Variants in NLRP14 observed in about 807,000 individuals in gnomAD.
NLRP14 encodes NLR family pyrin domain containing 14.
A neutral mutation model predicts 94.7 loss-of-function variants in NLRP14; 105 were observed. The ratio of observed to expected loss-of-function variants is 1.11; its 90% CI spans 0.95 to 1.30. NLRP14 has a LOEUF of 1.30. NLRP14 is among the 50% of genes most tolerant of loss of function. The probability of loss-of-function intolerance (pLI) is 0.00; values close to 1 mark genes in which losing one functional copy is unlikely to be tolerated. For missense variants in NLRP14, 1,362 were observed against 1,254.1 expected, an observed-to-expected ratio of 1.09 and a Z score of -1.30; for synonymous variants, 508 against 459.9, an observed-to-expected ratio of 1.10 and a Z score of -1.34.
intron 1 of NLRP14, among the ~76,000 whole-genome samples, chr11:7,021,481 A>G (rs1851934567): frequency 6.6e-6 from 1 of 152,172 alleles, no homozygotes; most frequent in African/African-American, 2.4e-5. Flanking sequence ...ACATTCAGAG[A>G]GCATAGCATA....
chr11:7,034,370 A>AAATAG (rs1359153741), intron 1 of NLRP14, among the ~76,000 whole-genome samples: 1 of 152,054 alleles, frequency 6.6e-6, no homozygotes, highest in Non-Finnish European at 1.5e-5. Context: ...GCACTATGAG[A>AAATAG]TGCTATCGGC....
In NLRP14 at chr11:7,029,718, C is replaced by T. The variant is rs550642828; in HGVS notation, c.-21-8848C>T. 3.3e-5 allele frequency among the ~76,000 whole-genome samples: 5 copies of T among 152,278 alleles called. No homozygotes were observed. In the South Asian group the frequency reaches 8.3e-4, roughly 25 times the overall value. On this transcript the variant is annotated intron_variant, in intron 1 of 11. Transcript: ENST00000299481. ...TAGTTTCTCTTAAGATGCACATACT[C>T]GTGAATGTAATATTCAGCACATTAT...
At chr11:7,034,195 C>G (rs996510107) in intron 1 of NLRP14, among the ~76,000 whole-genome samples, 12 of 152,184 alleles carry the variant, frequency 7.9e-5, no homozygotes, top group African/African-American at 2.7e-4. Flanking sequence ...TCTCTTTTCT[C>G]TCATATATTC....
chr11:7,025,435 A>G (rs1852001050), intron 1 of NLRP14, among the ~76,000 whole-genome samples: 1 of 150,632 alleles, frequency 6.6e-6, no homozygotes, highest in African/African-American at 2.4e-5. Flanking sequence ...AACAAATAAC[A>G]AACCAAAAAC....
At chr11:7,051,726 G>T (rs977033875) in intron 6 of NLRP14, among the ~76,000 whole-genome samples, 1 of 152,082 alleles carries the variant, frequency 6.6e-6, no homozygotes, top group Non-Finnish European at 1.5e-5. Flanking sequence ...GGGTTCAAGC[G>T]ATTCTCCTGC....
chr11:7,072,715 G>A (rs1234400007), downstream of NLRP14, among the ~76,000 whole-genome samples: 1 of 152,136 alleles, frequency 6.6e-6, no homozygotes, highest in Non-Finnish European at 1.5e-5. Context: ...CCAGAGGAAG[G>A]TCATATACAG....
At chr11:7,054,352 C>G (rs1489345073) in intron 6 of NLRP14, among the ~76,000 whole-genome samples, 1 of 152,026 alleles carries the variant, frequency 6.6e-6, no homozygotes, top group East Asian at 1.9e-4. Flanking sequence ...CATACGGTAG[C>G]TCTAGTTTTG....
At chr11:7,024,976 AG>A (rs1159042666) in intron 1 of NLRP14, among the ~76,000 whole-genome samples, 1 of 152,172 alleles carries the variant, frequency 6.6e-6, no homozygotes, top group African/African-American at 2.4e-5. Context: ...TAGACACAAA[AG>A]TTCTAGAAAA....
intron 1 of NLRP14, among the ~76,000 whole-genome samples, chr11:7,034,556 G>A (rs1258617388): frequency 6.6e-6 from 1 of 152,154 alleles, no homozygotes; most frequent in Non-Finnish European, 1.5e-5. Context: ...TTACACTTCA[G>A]TTGTTTATTT....
At chr11:7,053,852 C>T (rs555192036) in intron 6 of NLRP14, among the ~76,000 whole-genome samples, 193 of 152,146 alleles carry the variant, frequency 1.3e-3, no homozygotes, top group African/African-American at 4.1e-3. Flanking sequence ...TTATTTTTTA[C>T]GTTAGTCACC....
chr11:7,062,649 A>G, intron 10 of NLRP14, 146 bp downstream of exon 10: 1 of 753,664 alleles, frequency 1.3e-6, no homozygotes, highest in Non-Finnish European at 2.3e-6. Flanking sequence ...AATTTCAAAT[A>G]AATGGATCAA....
chr11:7,039,923 A>G (rs1435471004), intron 3 of NLRP14, 138 bp downstream of exon 3: 4 of 753,596 alleles, frequency 5.3e-6, no homozygotes, highest in African/African-American at 3.4e-5. Flanking sequence ...ATGTCACCCA[A>G]AAAGGATCAG....
chr11:7,041,471 T>C (rs1852248378), intron 3 of NLRP14, among the ~76,000 whole-genome samples: 1 of 152,186 alleles, frequency 6.6e-6, no homozygotes, highest in Non-Finnish European at 1.5e-5. Context: ...TGCCAGAAAC[T>C]TCATATCTTT....
chr11:7,069,984 T>C (rs561272046), intron 10 of NLRP14, among the ~76,000 whole-genome samples: 5 of 152,326 alleles, frequency 3.3e-5, no homozygotes, highest in Non-Finnish European at 2.9e-5. Context: ...TATAGTGATG[T>C]ATTTTTAGTG....
At chr11:7,089,670 G>C in the NLRP14 span, 2 of 1,469,640 alleles carry the variant, frequency 1.4e-6, no homozygotes, top group South Asian at 1.3e-5. Flanking sequence ...GGCCCTGGCC[G>C]TGCGGGGGCG....
downstream of NLRP14, among the ~76,000 whole-genome samples, chr11:7,072,531 T>C (rs1299954505): frequency 1.3e-5 from 2 of 152,224 alleles, no homozygotes; most frequent in African/African-American, 2.4e-5. Context: ...CTTTATACAT[T>C]GACTCATCTT....
chr11:7,075,951 C>T (rs1037926184), downstream of NLRP14, among the ~76,000 whole-genome samples: 1 of 152,134 alleles, frequency 6.6e-6, no homozygotes, highest in Non-Finnish European at 1.5e-5. Context: ...TCTCTCCTGC[C>T]CTCTCACTTT....
rs775518883 is a variant in NLRP14, at chr11:7,043,435, C to G, written c.1409C>G (p.Ala470Gly). 6.2e-7 allele frequency: 1 copy of G among 1,614,144 alleles called. No homozygotes were observed. Among genetic ancestry groups the G allele is most frequent in the South Asian group, 1.1e-5 (1 of 91,076 alleles). Reference sequence around the variant, plus strand: ...GACAGCAATATTATTCAGAAGGACGCAGAGTATGAAAACTGCTATGTGTTC... The same window carrying G: ...GACAGCAATATTATTCAGAAGGACGGAGAGTATGAAAACTGCTATGTGTTC... The part of the protein sequence containing the change: ...FMDSNIIQKD[A>G]EYENCYVFTH... The change falls in exon 4 of 12, where the codon GCA becomes GGA. Residue 470 changes from alanine to glycine, a missense_variant. By Grantham distance (60) the Ala-to-Gly change is moderately conservative. Coordinates refer to ENST00000299481, the MANE Select transcript of NLRP14 (RefSeq NM_176822.4).
intron 10 of NLRP14, among the ~76,000 whole-genome samples, chr11:7,067,835 T>C (rs976708706): frequency 1.4e-4 from 21 of 152,164 alleles, no homozygotes; most frequent in Admixed American, 6.5e-4. Flanking sequence ...GTGTTTCTTA[T>C]CTTTTAGTTT....
Sources: allele counts gnomAD v4.1 joint callset (sites outside exome capture counted in the v4.1 genomes callset), GRCh38; gene constraint gnomAD v4.1.1; transcripts MANE v1.5; gene names NCBI Gene and HGNC (gene_info 2026-07-23, HGNC 2026-07-21).